The following PTPN6 variants were observed in gnomAD, a reference collection of about 807,000 sequenced individuals.
PTPN6 encodes protein tyrosine phosphatase non-receptor type 6.
A neutral mutation model predicts 81.5 loss-of-function variants in PTPN6; 18 were observed. The observed-to-expected ratio is 0.22, with a 90% CI of 0.15 to 0.33. PTPN6 has a LOEUF of 0.33. PTPN6 is among the 10% of genes least tolerant of loss of function. The pLI is 1.00. For synonymous variants in PTPN6, 301 were observed against 310.9 expected (o/e 0.97, Z 0.33); for missense variants, 500 against 794.2 (o/e 0.63, Z 4.45).
Position 6,954,292 on chromosome 12 carries a change from C to T in PTPN6, c.327-513C>T, listed in dbSNP as rs1945980823. 6.6e-6 allele frequency among the ~76,000 whole-genome samples: 1 copy of T among 152,030 alleles called. No individual in the cohort carries two copies. Among genetic ancestry groups the T allele is most frequent in the East Asian group, 1.9e-4 (1 of 5,200 alleles). ...CCCACCACTCCCTGTGGTGTGGCCT[C>T]GGTCTGCGTTTCTCTTTGCCTCTGG... On this transcript the variant is annotated intron_variant, in intron 3 of 15. Coordinates refer to ENST00000318974, the MANE Select transcript of PTPN6 (RefSeq NM_002831.6). This position sits in a 1 kb window ranked among gnomAD's most constrained non-coding sequence, Gnocchi z 5.4.
rs782181309 is a variant in PTPN6, at chr12:6,951,485, G to A, written c.-28G>A. On this transcript the variant is annotated 5_prime_UTR_variant, in exon 1 of 16. Coordinates refer to ENST00000318974, the MANE Select transcript of PTPN6 (RefSeq NM_002831.6). This position sits in a 1 kb window ranked among gnomAD's most constrained non-coding sequence, Gnocchi z 7.2. ...CTAGCTGCACCTCCTCATTCCCTGC[G>A]CCCCCTTCCTCTCCGGAAGCCCCCA... The A allele has an allele frequency of 1.5e-5, 25 of 1,613,470 alleles. No homozygotes were observed. Among genetic ancestry groups the A allele is most frequent in the Middle Eastern group, 1.7e-4 (1 of 6,060 alleles).
upstream of PTPN6, among the ~76,000 whole-genome samples, chr12:6,948,430 G>A (rs146455299): frequency 0.017 from 2,144 of 128,212 alleles, 23 homozygotes; most frequent in Middle Eastern, 0.048. Context: ...GCAAGATTCT[G>A]TGTCAAAAAA....
chr12:6,946,641 C>G (rs1208041428), upstream of PTPN6: 1 of 1,175,034 alleles, frequency 8.5e-7, no homozygotes, highest in African/African-American at 1.5e-5. Context: ...CCTCACCTGG[C>G]TTGGGCCACT....
At position 6,951,723 on chromosome 12, in the gene PTPN6, C is replaced by A; in HGVS notation, c.123C>A (p.Leu41=). 6.2e-7 allele frequency: 1 copy of A among 1,612,620 alleles called. No homozygotes were observed. The highest frequency in any genetic ancestry group is 1.1e-5 in the South Asian group (1 of 91,076). ...GCAAGAACCAGGGTGACTTCTCGCTCTCCGTCAGGTAGGTGGGCCCCCCGC... is the reference window on the plus strand; with the variant it reads ...GCAAGAACCAGGGTGACTTCTCGCTATCCGTCAGGTAGGTGGGCCCCCCGC... The part of the protein sequence containing the change: ...PSRKNQGDFS[L]SVRVGDQVTH... The change falls in exon 2 of 16, where the codon CTC becomes CTA. Residue 41 remains leucine (L), a synonymous_variant. Transcript: ENST00000318974. The surrounding 1 kb of genome is among the most constrained non-coding windows in gnomAD (Gnocchi z 7.2).
rs782708018 is a variant in PTPN6 at position 6,957,287 on chromosome 12, C to T, written c.1075-367C>T. 1.1e-4 allele frequency among the ~76,000 whole-genome samples: 16 copies of T among 152,344 alleles called. No individual in the cohort carries two copies. In the South Asian group the frequency reaches 2.5e-3, roughly 24 times the overall value. On this transcript the variant is annotated intron_variant, in intron 9 of 15. Transcript: ENST00000318974. This position sits in a 1 kb window ranked among gnomAD's most constrained non-coding sequence, Gnocchi z 6.5. ...GGGAGAATTACGTCTTTCCCAGCCACGCTCCTCAGCGCGGTGTCTCCCCCG... is the reference window on the plus strand; with the variant it reads ...GGGAGAATTACGTCTTTCCCAGCCATGCTCCTCAGCGCGGTGTCTCCCCCG...
chr12:6,946,769 T>A, upstream of PTPN6: 1 of 1,604,244 alleles, frequency 6.2e-7, no homozygotes, highest in Middle Eastern at 1.7e-4. Context: ...GGGGTCCCAG[T>A]CTCCTGTTAG....
chr12:6,948,863 T>G (rs899029533), upstream of PTPN6, among the ~76,000 whole-genome samples: 10 of 150,518 alleles, frequency 6.6e-5, no homozygotes, highest in East Asian at 1.8e-3. Context: ...GAGAATTGCT[T>G]GAACCCAGGA....
At chr12:6,947,575 G>A (rs1050836563), upstream of PTPN6, among the ~76,000 whole-genome samples, 1 of 151,516 alleles carries the variant, frequency 6.6e-6, no homozygotes, top group Non-Finnish European at 1.5e-5. Flanking sequence ...AGGCTAAGGT[G>A]AGAGGCTTGC....
upstream of PTPN6, among the ~76,000 whole-genome samples, chr12:6,950,307 A>T (rs1325711502): frequency 6.6e-6 from 1 of 151,384 alleles, no homozygotes; most frequent in African/African-American, 2.4e-5. Context: ...AGCCACCAAT[A>T]TGTGTTTCTT....
At chr12:6,950,714 G>C (rs1250902980), upstream of PTPN6, among the ~76,000 whole-genome samples, 1 of 152,178 alleles carries the variant, frequency 6.6e-6, no homozygotes, top group Non-Finnish European at 1.5e-5. Flanking sequence ...CTTTGGACAA[G>C]GAGGCTCTTA....
In PTPN6 at chr12:6,952,075, T is replaced by C; in HGVS notation, c.224T>C (p.Leu75Pro). ...GAGAAGTTTGCGACTCTGACAGAGC[T>C]GGTGGAGTACTACACTCAGCAGCAG... ...GGEKFATLTE[L>P]VEYYTQQQGV... The change falls in exon 3 of 16, where the codon CTG (leucine) becomes CCG (proline). Residue 75 changes from leucine (L) to proline (P), a missense_variant. By Grantham distance (98) the Leu-to-Pro change is moderately conservative. This residue lies in a region of PTPN6 where 98 missense variants were observed against 199.2 expected (regional missense o/e 0.49). Coordinates refer to ENST00000318974, the MANE Select transcript of PTPN6 (RefSeq NM_002831.6). The surrounding 1 kb of genome is among the most constrained non-coding windows in gnomAD (Gnocchi z 8.1). 2 of 1,614,140 alleles carry C rather than the reference T, an allele frequency of 1.2e-6. No homozygotes were observed. Among genetic ancestry groups the C allele is most frequent in the Non-Finnish European group, 1.7e-6 (2 of 1,180,008 alleles).
chr12:6,956,721 C>T lies in PTPN6; in HGVS notation c.1074+153C>T, dbSNP rs1299120757. ...AGGGCTAGTGACAAAGTCTCGACTA[C>T]ACAACGTGACCCCCAGATCCCTGCA... On this transcript the variant is annotated intron_variant, in intron 9 of 15. Coordinates refer to ENST00000318974, the MANE Select transcript of PTPN6 (RefSeq NM_002831.6). This position sits in a 1 kb window ranked among gnomAD's most constrained non-coding sequence, Gnocchi z 4.1. Among the ~76,000 whole-genome samples, 4 of 152,156 alleles carry T rather than the reference C, an allele frequency of 2.6e-5. No individual in the cohort carries two copies. The highest frequency in any genetic ancestry group is 9.7e-5 in the African/African-American group (4 of 41,438).
In PTPN6 at chr12:6,951,818, G is replaced by A; in HGVS notation, c.131+87G>A. The A allele has an allele frequency of 6.3e-7, 1 of 1,597,664 alleles. No homozygotes were observed. Among genetic ancestry groups the A allele is most frequent in the Non-Finnish European group, 8.5e-7 (1 of 1,176,252 alleles). ...AACCACTCATTCCTGGTTCCCCGTG[G>A]CAGTGCTGACTCCCCGTCTGTTCCC... is the stretch of plus-strand genomic sequence containing the variant. On this transcript the variant is annotated intron_variant, in intron 2 of 15. Coordinates refer to ENST00000318974, the MANE Select transcript of PTPN6 (RefSeq NM_002831.6). The surrounding 1 kb of genome is among the most constrained non-coding windows in gnomAD (Gnocchi z 7.2).
In PTPN6 at chr12:6,959,446, CT is replaced by C. The variant is rs1284864908; in HGVS notation, c.1362-480del. ...CTACTGCACTGCTCCCCTGAGTCCC[CT>C]GACCCTGTGCCCCCGCACCCTGCTG... On this transcript the variant is annotated intron_variant, in intron 11 of 15. Coordinates refer to ENST00000318974, the MANE Select transcript of PTPN6 (RefSeq NM_002831.6). This position sits in a 1 kb window ranked among gnomAD's most constrained non-coding sequence, Gnocchi z 6.6. The C allele has an allele frequency of 7.9e-6, 2 of 254,052 alleles. No individual in the cohort carries two copies. Among genetic ancestry groups the C allele is most frequent in the Non-Finnish European group, 1.6e-5 (2 of 126,546 alleles). The allele number at this position is 254,052 out of a possible 1,614,324, so 15.7% of individuals were successfully genotyped here.
upstream of PTPN6, chr12:6,951,138 C>G: frequency 2.0e-6 from 2 of 985,702 alleles, no homozygotes; most frequent in Non-Finnish European, 2.7e-6. The surrounding 1 kb of genome is among the most constrained non-coding windows in gnomAD (Gnocchi z 7.2). Context: ...GCAAGGCACA[C>G]ATGTGTCCTT....
rs1946035590 is a variant in PTPN6 at position 6,956,553 on chromosome 12, G to A, written c.1059G>A (p.Glu353=). ...GTGTCATCGTCATGACCACCCGAGA[G>A]GTGGAGAAAGGCCGGGTAGGGCGCC... The part of the protein sequence containing the change: ...NSRVIVMTTR[E]VEKGRNKCVP... Residue 353 remains glutamate, a synonymous_variant, in exon 9 of 16, where the codon GAG becomes GAA. Transcript: ENST00000318974. The surrounding 1 kb of genome is among the most constrained non-coding windows in gnomAD (Gnocchi z 4.1). 1 of 1,613,856 alleles carries A rather than the reference G, an allele frequency of 6.2e-7. No homozygotes were observed. The highest frequency in any genetic ancestry group is 8.5e-7 in the Non-Finnish European group (1 of 1,180,022).
chr12:6,948,354 TG>T (rs1353857833), upstream of PTPN6, among the ~76,000 whole-genome samples: 1 of 150,226 alleles, frequency 6.7e-6, no homozygotes, highest in East Asian at 2.0e-4. Flanking sequence ...GAGGATCACC[TG>T]AGCCAAGGAG....
Position 6,956,261 on chromosome 12 carries a change from T to C in PTPN6, c.924+40T>C, listed in dbSNP as rs1352659246. On this transcript the variant is annotated intron_variant, in intron 8 of 15. Coordinates refer to ENST00000318974, the MANE Select transcript of PTPN6 (RefSeq NM_002831.6). The surrounding 1 kb of genome is among the most constrained non-coding windows in gnomAD (Gnocchi z 4.1). The stretch of plus-strand genomic sequence containing the variant: ...CCACGTGGGAGGAGAGGCTGGGCCC[T>C]GGGAATTCCCTGTCTGGTGGGGGGA... 3 of 1,611,482 alleles carry C rather than the reference T, an allele frequency of 1.9e-6. No homozygotes were observed. The highest frequency in any genetic ancestry group is 2.5e-6 in the Non-Finnish European group (3 of 1,177,622).
rs782764908 is a variant in PTPN6 at position 6,957,844 on chromosome 12, C to T, written c.1206+59C>T. 3 of 1,614,058 alleles carry T rather than the reference C, an allele frequency of 1.9e-6. No individual in the cohort carries two copies. Among genetic ancestry groups the T allele is most frequent in the East Asian group, 4.5e-5 (2 of 44,878 alleles). On this transcript the variant is annotated intron_variant, in intron 10 of 15. Transcript: ENST00000318974. The surrounding 1 kb of genome is among the most constrained non-coding windows in gnomAD (Gnocchi z 6.5). Reference sequence around the variant, plus strand: ...AGTCCCTCCCTGGACTTGTTCTCCTCTCTGGTCGGGTAGGGTGAGATGGAT... The same window carrying T: ...AGTCCCTCCCTGGACTTGTTCTCCTTTCTGGTCGGGTAGGGTGAGATGGAT...
Sources: gnomAD v4.1 joint callset for allele counts (sites outside exome capture counted in the v4.1 genomes callset) on GRCh38, gnomAD v4.1.1 for gene constraint, gnomAD v4.1.1 regional missense constraint, Gnocchi (gnomAD v3.1) non-coding constraint, MANE v1.5 for transcripts, NCBI Gene and HGNC (gene_info 2026-07-23, HGNC 2026-07-21) for gene names.